RBBP8: variants seen among roughly 807,000 people sequenced by gnomAD.
RBBP8 encodes RB binding protein 8, endonuclease, also known as DNA endonuclease RBBP8.
Under a neutral mutation model 108.3 loss-of-function variants are expected in RBBP8, and 88 were observed. That is an observed-to-expected ratio of 0.81 (90% CI 0.68 to 0.97). RBBP8 has a LOEUF of 0.97. Ranked by LOEUF, RBBP8 falls within the 50% of genes least tolerant of loss-of-function variation. The pLI, the probability that RBBP8 is intolerant of heterozygous loss-of-function variation, is 0.00. For missense variants in RBBP8, 1,023 were observed against 1,049.0 expected (o/e 0.98, Z 0.34); for synonymous variants, 332 against 348.2 (o/e 0.95, Z 0.52).
At chr18:23,017,663 A>G (rs1238922063) in intron 17 of RBBP8, among the ~76,000 whole-genome samples, 1 of 152,010 alleles carries the variant, frequency 6.6e-6, no homozygotes, top group African/African-American at 2.4e-5. Flanking sequence ...CAAAAAAAAA[A>G]AAATTATTTT....
intron 5 of RBBP8, among the ~76,000 whole-genome samples, chr18:22,971,551 T>C (rs1265010501): frequency 6.6e-6 from 1 of 152,190 alleles, no homozygotes; most frequent in Non-Finnish European, 1.5e-5. Context: ...TGCCAAGTTT[T>C]GCTTAATTGT....
intron 3 of RBBP8, chr18:22,920,844 G>GGA (rs1172328847): frequency 1.3e-5 from 2 of 152,130 alleles, no homozygotes; most frequent in Admixed American, 1.3e-4. Context: ...GTAGATCCTA[G>GGA]GAGAGCAGCA....
intron 4 of RBBP8, among the ~76,000 whole-genome samples, chr18:22,958,059 T>G (rs1912740553): frequency 6.6e-6 from 1 of 152,234 alleles, no homozygotes; most frequent in Non-Finnish European, 1.5e-5. Context: ...TGGTGTTTCT[T>G]ACCCTTTCCT....
Position 22,996,409 on chromosome 18 carries a change from C to T in RBBP8, c.1975C>T (p.Pro659Ser). The part of the protein sequence containing the change: ...SFENIQWSID[P>S]GADLSQYKMD... Reference sequence around the variant, plus strand: ...TGAAAATATCCAGTGGAGTATAGATCCGGGAGCAGACCTTTCTCAGTATAA... The same window carrying T: ...TGAAAATATCCAGTGGAGTATAGATTCGGGAGCAGACCTTTCTCAGTATAA... Residue 659 changes from proline to serine, a missense_variant, in exon 13 of 19, where the codon CCG becomes TCG. Coordinates refer to ENST00000327155, the MANE Select transcript of RBBP8 (RefSeq NM_002894.3). The T allele has an allele frequency of 6.2e-7, 1 of 1,613,576 alleles. No homozygotes were observed. The highest frequency in any genetic ancestry group is 8.5e-7 in the Non-Finnish European group (1 of 1,179,878).
At chr18:23,008,769 AT>A (rs71161355) in intron 16 of RBBP8, among the ~76,000 whole-genome samples, 19 of 100,008 alleles carry the variant, frequency 1.9e-4, no homozygotes, top group Admixed American at 5.1e-4. Flanking sequence ...TATGACTTTG[AT>A]TTTTTTTTTT....
At chr18:22,946,662 T>C (rs1041144931) in intron 3 of RBBP8, among the ~76,000 whole-genome samples, 176 bp downstream of exon 3, 2 of 152,130 alleles carry the variant, frequency 1.3e-5, no homozygotes, top group Non-Finnish European at 2.9e-5. Flanking sequence ...GTTTTTTTTT[T>C]CAAATTCTAA....
intron 14 of RBBP8, among the ~76,000 whole-genome samples, chr18:22,998,175 A>T (rs188416084): frequency 6.6e-6 from 1 of 152,160 alleles, no homozygotes; most frequent in Non-Finnish European, 1.5e-5. Flanking sequence ...ACAATTTTTT[A>T]TAAGTGGTAT....
In RBBP8 at chr18:22,996,426, T is replaced by C. The variant is rs750566591; in HGVS notation, c.1992T>C (p.Ser664=). 1 of 1,613,740 alleles carries C rather than the reference T, an allele frequency of 6.2e-7. No homozygotes were observed. The highest frequency in any genetic ancestry group is 1.1e-5 in the South Asian group (1 of 91,078). ...GTATAGATCCGGGAGCAGACCTTTC[T>C]CAGTATAAAATGGATGTTACTGTAA... is the stretch of plus-strand genomic sequence containing the variant. ...QWSIDPGADL[S]QYKMDVTVID... The change falls in exon 13 of 19, where the codon TCT becomes TCC. Residue 664 remains serine (S), a synonymous_variant. Transcript: ENST00000327155.
At chr18:22,953,621 T>C (rs1213724814) in intron 4 of RBBP8, among the ~76,000 whole-genome samples, 2 of 152,206 alleles carry the variant, frequency 1.3e-5, no homozygotes, top group Admixed American at 1.3e-4. Flanking sequence ...CTTTGCAGTC[T>C]TGTACTTCCT....
At chr18:22,922,159 T>C (rs1909618871) in intron 3 of RBBP8, among the ~76,000 whole-genome samples, 1 of 152,182 alleles carries the variant, frequency 6.6e-6, no homozygotes. Flanking sequence ...AGTACTTTAA[T>C]TAAGTAAATA....
intron 16 of RBBP8, among the ~76,000 whole-genome samples, chr18:23,014,749 A>G (rs749598067): frequency 1.3e-5 from 2 of 152,160 alleles, no homozygotes; most frequent in Non-Finnish European, 2.9e-5. Context: ...TGACCCTCCT[A>G]GGTTTCCGTG....
rs762430315 is a variant in RBBP8 at position 22,924,200 on chromosome 18, G to A, written c.-153-5183G>A. 4.1e-4 allele frequency among the ~76,000 whole-genome samples: 57 copies of A among 137,614 alleles called. 1 individual carries two copies. The highest frequency in any genetic ancestry group is 2.8e-4 in the Non-Finnish European group (18 of 65,222). The allele number at this position is 137,614 out of a possible 152,430, so 90.3% of individuals were successfully genotyped here. A position where few individuals can be genotyped will look rare whatever the true frequency, so the allele number is the denominator to read the frequency against. ...CTGGAGTGCAGTGGTGCAATCTCAG[G>A]TCACTGCAACCTCTGCCTCCCTGGT... On this transcript the variant is annotated intron_variant, in intron 3 of 4. Coordinates refer to the RBBP8 transcript ENST00000577588.
chr18:22,972,415 C>CT (rs796522846), intron 5 of RBBP8, among the ~76,000 whole-genome samples: 1,706 of 116,116 alleles, frequency 0.015, 37 homozygotes, highest in African/African-American at 0.043. Context: ...TTGTTTATTT[C>CT]TTTTTTTTTT....
At chr18:22,924,169 A>G (rs1909706819) in intron 3 of RBBP8, among the ~76,000 whole-genome samples, 1 of 117,448 alleles carries the variant, frequency 8.5e-6, no homozygotes, top group African/African-American at 3.3e-5. Context: ...TCACTCTGTC[A>G]TCAGGCTGGA....
At chr18:23,017,558 G>T (rs1276591160) in intron 17 of RBBP8, among the ~76,000 whole-genome samples, 1 of 150,592 alleles carries the variant, frequency 6.6e-6, no homozygotes, top group Non-Finnish European at 1.5e-5. Context: ...GGAAGCTGAG[G>T]CAGGAGAATG....
Position 22,971,459 on chromosome 18 carries a change from G to A in RBBP8, c.361+2541G>A, listed in dbSNP as rs371869987. 2.0e-5 allele frequency among the ~76,000 whole-genome samples: 3 copies of A among 152,104 alleles called. No individual in the cohort carries two copies. In the East Asian group the frequency reaches 5.8e-4, roughly 29 times the overall value. Reference sequence around the variant, plus strand: ...GCAGTTGATACATAAGGGAAGACTAGACTATATTACATTTAAGTGTGCTGT... The same window carrying A: ...GCAGTTGATACATAAGGGAAGACTAAACTATATTACATTTAAGTGTGCTGT... On this transcript the variant is annotated intron_variant, in intron 5 of 18. Coordinates refer to ENST00000327155, the MANE Select transcript of RBBP8 (RefSeq NM_002894.3).
chr18:22,932,593 A>ACCAGTACTGGACTGGTTC (rs1485485662), upstream of RBBP8, among the ~76,000 whole-genome samples: 2 of 152,218 alleles, frequency 1.3e-5, no homozygotes, highest in Non-Finnish European at 2.9e-5. Context: ...AGGTCTTAGA[A>ACCAGTACTGGACTGGTTC]TAATTACACA....
intron 3 of RBBP8, among the ~76,000 whole-genome samples, chr18:22,919,074 T>C (rs193214277): frequency 1.3e-5 from 2 of 152,330 alleles, no homozygotes; most frequent in Admixed American, 1.3e-4. Context: ...CACAAGAAGA[T>C]AGAAGAGGAT....
At chr18:22,984,698 GTTTC>G (rs1915195245) in intron 7 of RBBP8, among the ~76,000 whole-genome samples, 184 bp from the exon 8 acceptor site, 1 of 152,014 alleles carries the variant, frequency 6.6e-6, no homozygotes, top group Non-Finnish European at 1.5e-5. Context: ...AAACAGCTTT[GTTTC>G]TTAGTGAAAT....
Sources: allele counts gnomAD v4.1 joint callset (sites outside exome capture counted in the v4.1 genomes callset), GRCh38; gene constraint gnomAD v4.1.1; transcripts MANE v1.5; gene names NCBI Gene and HGNC (gene_info 2026-07-23, HGNC 2026-07-21).